Variants in H6PD observed in about 807,000 individuals in gnomAD.
H6PD encodes the protein hexose-6-phosphate dehydrogenase/glucose 1-dehydrogenase.
Under a neutral mutation model 61.2 loss-of-function variants are expected in H6PD, and 48 were observed. That is an observed-to-expected ratio of 0.78 (90% CI 0.62 to 1.00). H6PD has a LOEUF of 1.00. H6PD is among the 50% of genes least tolerant of loss of function. The probability of loss-of-function intolerance (pLI) is 0.00; values close to 1 mark genes in which losing one functional copy is unlikely to be tolerated. For missense variants in H6PD, 1,093 were observed against 1,065.0 expected, an observed-to-expected ratio of 1.03 and a Z score of -0.37; for synonymous variants, 480 against 457.9, an observed-to-expected ratio of 1.05 and a Z score of -0.62.
At chr1:9,256,867 G>C (rs960116776) in intron 3 of H6PD, among the ~76,000 whole-genome samples, 1 of 151,906 alleles carries the variant, frequency 6.6e-6, no homozygotes, top group African/African-American at 2.4e-5. Context: ...TTATTCCCTC[G>C]CTTCTCTTTC....
chr1:9,264,383 G>A lies in H6PD; in HGVS notation c.1890G>A (p.Glu630=). 1.2e-6 allele frequency: 2 copies of A among 1,613,030 alleles called. No homozygotes were observed. Among genetic ancestry groups the A allele is most frequent in the South Asian group, 1.1e-5 (1 of 91,088 alleles). The part of the protein sequence containing the change: ...DERCVPLSDP[E]SNFQGLQAHL... ...GCTGCGTCCCACTCTCAGACCCGGA[G>A]TCCAACTTCCAGGGCCTGCAGGCCC... Residue 630 remains glutamate, a synonymous_variant, in exon 5 of 5, where the codon GAG becomes GAA. Transcript: ENST00000377403.
At chr1:9,250,846 G>A (rs529788474) in intron 3 of H6PD, among the ~76,000 whole-genome samples, 3 of 152,344 alleles carry the variant, frequency 2.0e-5, no homozygotes, top group South Asian at 4.1e-4. Flanking sequence ...GGTGGAAGCC[G>A]GCTTCCCCGG....
chr1:9,243,716 C>T (rs1641068938), intron 1 of H6PD, among the ~76,000 whole-genome samples: 1 of 152,178 alleles, frequency 6.6e-6, no homozygotes, highest in South Asian at 2.1e-4. Context: ...CATGTGAGTG[C>T]CTCAGTTTAG....
At chr1:9,242,048 C>G (rs1052385872) in intron 1 of H6PD, among the ~76,000 whole-genome samples, 7 of 152,160 alleles carry the variant, frequency 4.6e-5, no homozygotes, top group Admixed American at 4.6e-4. Flanking sequence ...GAGACTGTTT[C>G]GAAACACCTG....
At chr1:9,261,896 G>C (rs936523434) in intron 3 of H6PD, among the ~76,000 whole-genome samples, 163 bp from the exon 4 acceptor site, 5 of 152,176 alleles carry the variant, frequency 3.3e-5, no homozygotes, top group Admixed American at 6.5e-5. Flanking sequence ...CTCCCTTCTC[G>C]TGGTGAGGTT....
intron 3 of H6PD, among the ~76,000 whole-genome samples, chr1:9,261,029 G>A (rs1487535463): frequency 2.0e-5 from 3 of 152,038 alleles, no homozygotes; most frequent in Non-Finnish European, 4.4e-5. Context: ...ACTCTGGGGT[G>A]CCTCTCCCTC....
At chr1:9,246,021 C>T (rs1641164372) in intron 2 of H6PD, among the ~76,000 whole-genome samples, 1 of 151,828 alleles carries the variant, frequency 6.6e-6, no homozygotes, top group African/African-American at 2.4e-5. Context: ...CGGCTCACTG[C>T]AACCTCCGCC....
At chr1:9,241,598 C>T (rs1641000256) in intron 1 of H6PD, among the ~76,000 whole-genome samples, 1 of 152,158 alleles carries the variant, frequency 6.6e-6, no homozygotes, top group African/African-American at 2.4e-5. Flanking sequence ...GGGGGTCTCG[C>T]TGTGTTGCCC....
At chr1:9,240,383 T>C (rs184322696) in intron 1 of H6PD, among the ~76,000 whole-genome samples, 272 of 152,286 alleles carry the variant, frequency 1.8e-3, no homozygotes, top group Middle Eastern at 0.014. Context: ...GAAGCACTCA[T>C]TTGCCTTATA....
rs1307326334 is a variant in H6PD at position 9,245,977 on chromosome 1, T to C, written c.627+416T>C. Reference sequence around the variant, plus strand: ...TTTTTTTTTTTTAGACAGAGTCTGCTCTGTCACCAGGCTGGAGTGCAGTGG... The same window carrying C: ...TTTTTTTTTTTTAGACAGAGTCTGCCCTGTCACCAGGCTGGAGTGCAGTGG... On this transcript the variant is annotated intron_variant, in intron 2 of 4. Coordinates refer to ENST00000377403, the MANE Select transcript of H6PD (RefSeq NM_004285.4). This position sits in a 1 kb window ranked among gnomAD's most constrained non-coding sequence, Gnocchi z 4.8. Among the ~76,000 whole-genome samples, 1 of 151,272 alleles carries C rather than the reference T, an allele frequency of 6.6e-6. No individual in the cohort carries two copies. Among genetic ancestry groups the C allele is most frequent in the Non-Finnish European group, 1.5e-5 (1 of 67,826 alleles).
chr1:9,264,045 GGCCGGTTGTTCTTTTCCCAGCAGCA>G lies in H6PD; in HGVS notation c.1558_1582del (p.Leu520SerfsTer36). 6.2e-7 allele frequency: 1 copy of G among 1,614,198 alleles called. No individual in the cohort carries two copies. The highest frequency in any genetic ancestry group is 1.6e-4 in the Middle Eastern group (1 of 6,062). Reference sequence around the variant, plus strand: ...TCTGTTGGACTTTGAGTTCAGTAGCGGCCGGTTGTTCTTTTCCCAGCAGCAGCCGGAGCAGCTGGTGCCAGGGCCA... The same window carrying G: ...TCTGTTGGACTTTGAGTTCAGTAGCGGCCGGAGCAGCTGGTGCCAGGGCCA... On this transcript the variant is annotated frameshift_variant, in exon 5 of 5. Coordinates refer to ENST00000377403, the MANE Select transcript of H6PD (RefSeq NM_004285.4). LOFTEE classifies it high-confidence loss of function.
Position 9,245,130 on chromosome 1 carries a change from G to T in H6PD, c.196G>T (p.Ala66Ser), listed in dbSNP as rs1231573519. ...TCACAGTTTTAGCTTCCATGGAGCT[G>T]CTCTGACAGCCCCCAAGCAGGGTCA... ...RGHSFSFHGA[A>S]LTAPKQGQEL... The change falls in exon 2 of 5, where the codon GCT becomes TCT. Residue 66 changes from alanine (A) to serine (S), a missense_variant. Transcript: ENST00000377403. This position sits in a 1 kb window ranked among gnomAD's most constrained non-coding sequence, Gnocchi z 4.8. 4 of 1,614,202 alleles carry T rather than the reference G, an allele frequency of 2.5e-6. No homozygotes were observed. The South Asian group carries it at 3.3e-5, about 13-fold the overall frequency.
Position 9,264,947 on chromosome 1 carries a change from C to G in H6PD, c.*78C>G. On this transcript the variant is annotated 3_prime_UTR_variant, in exon 5 of 5. Transcript: ENST00000377403. ...CTTCCCTCCCTTCTCGGCCCCGCCA[C>G]CTGCCCAGCGTGCCCTGGCTCTCCA... The G allele has an allele frequency of 6.6e-7, 1 of 1,514,082 alleles. No individual in the cohort carries two copies. The allele number at this position is 1,514,082 out of a possible 1,614,324, so 93.8% of individuals were successfully genotyped here. A position where few individuals can be genotyped will look rare whatever the true frequency, so the allele number is the denominator to read the frequency against.
rs995404448 is a variant in H6PD, at chr1:9,254,623, C to T, written c.746-7436C>T. 1.3e-5 allele frequency among the ~76,000 whole-genome samples: 2 copies of T among 152,202 alleles called. No homozygotes were observed. The stretch of plus-strand genomic sequence containing the variant: ...GTCCCATCCTGTTCATCTTGGAGGT[C>T]GCAGACAGCTTCATCTTCCTGAAGT... On this transcript the variant is annotated intron_variant, in intron 3 of 4. Coordinates refer to ENST00000377403, the MANE Select transcript of H6PD (RefSeq NM_004285.4). This position sits in a 1 kb window ranked among gnomAD's most constrained non-coding sequence, Gnocchi z 4.6.
intron 3 of H6PD, 54 bp downstream of exon 3, chr1:9,247,137 T>A: frequency 2.5e-6 from 3 of 1,194,654 alleles, no homozygotes; most frequent in Non-Finnish European, 3.8e-6. Context: ...GCCCGCTGTC[T>A]GCGGTGAGGC....
At chr1:9,236,668 TAAAAAAAA>T (rs34967254) in intron 1 of H6PD, among the ~76,000 whole-genome samples, 2 of 111,458 alleles carry the variant, frequency 1.8e-5, no homozygotes, top group African/African-American at 6.6e-5. Context: ...GACTTCTCCT[TAAAAAAAA>T]AAAAAAAAAA....
chr1:9,248,810 A>G (rs1258064176), intron 3 of H6PD, among the ~76,000 whole-genome samples: 6 of 152,042 alleles, frequency 3.9e-5, no homozygotes, highest in African/African-American at 1.4e-4. Flanking sequence ...AAGAGGCCCT[A>G]CCCCCTGCAG....
Position 9,263,506 on chromosome 1 carries a change from C to T in H6PD, c.1016-3C>T. Reference sequence around the variant, plus strand: ...GTCACCCTCTGCTGTTCCCTCACCCCAGCCGTCCTAGTGCACATTGACAAC... The same window carrying T: ...GTCACCCTCTGCTGTTCCCTCACCCTAGCCGTCCTAGTGCACATTGACAAC... On this transcript the variant is annotated splice_polypyrimidine_tract_variant and splice_region_variant and intron_variant, in intron 4 of 4. Transcript: ENST00000377403. 1.2e-6 allele frequency: 2 copies of T among 1,613,974 alleles called. No homozygotes were observed. Among genetic ancestry groups the T allele is most frequent in the Non-Finnish European group, 1.7e-6 (2 of 1,179,842 alleles).
chr1:9,235,239 C>A (rs1640819109), intron 1 of H6PD, among the ~76,000 whole-genome samples, 173 bp downstream of exon 1: 1 of 152,016 alleles, frequency 6.6e-6, no homozygotes, highest in Non-Finnish European at 1.5e-5. Flanking sequence ...TCCAGGGTCG[C>A]CCCGAGCGGC....
Sources: allele counts gnomAD v4.1 joint callset (sites outside exome capture counted in the v4.1 genomes callset), GRCh38; gene constraint gnomAD v4.1.1; non-coding constraint Gnocchi (gnomAD v3.1); transcripts MANE v1.5; gene names NCBI Gene and HGNC (gene_info 2026-07-23, HGNC 2026-07-21).